Variants in PTPRD observed in about 807,000 individuals in gnomAD.
PTPRD encodes protein tyrosine phosphatase receptor type D, also known as receptor-type tyrosine-protein phosphatase delta.
PTPRD carries 34 observed loss-of-function variants against 214.5 expected under a neutral mutation model. The observed-to-expected ratio is 0.16, with a 90% confidence interval of 0.12 to 0.21. PTPRD has a LOEUF of 0.21. Among genes scored for constraint, PTPRD ranks in the 10% least tolerant of loss-of-function variants. The probability of loss-of-function intolerance (pLI) is 1.00; values close to 1 mark genes in which losing one functional copy is unlikely to be tolerated. For synonymous variants in PTPRD, 1,128 were observed against 845.7 expected, an observed-to-expected ratio of 1.33 and a Z score of -5.79; for missense variants, 2,545 against 2,398.7, an observed-to-expected ratio of 1.06 and a Z score of -1.27.
At position 8,314,878 on chromosome 9, in the gene PTPRD, G is replaced by T. The variant is rs994735607; in HGVS notation, c.*2996C>A. ...AGTACAAAGGTATAGAAAGTGCAAA[G>T]TTCCCTAGAGGCCCTTCCCTCCCCT... On this transcript the variant is annotated 3_prime_UTR_variant, in exon 46 of 46. Coordinates refer to ENST00000381196, the MANE Select transcript of PTPRD (RefSeq NM_002839.4). 4.3e-6 allele frequency: 1 copy of T among 232,374 alleles called. No homozygotes were observed. The highest frequency in any genetic ancestry group is 2.2e-5 in the African/African-American group (1 of 45,240). 14.4% of individuals were successfully genotyped at this position (232,374 alleles called of 1,614,324 possible). A position where few individuals can be genotyped will look rare whatever the true frequency, so the allele number is the denominator to read the frequency against.
chr9:10,230,684 G>GT (rs2099606365), intron 3 of PTPRD, among the ~76,000 whole-genome samples: 1 of 151,920 alleles, frequency 6.6e-6, no homozygotes, highest in African/African-American at 2.4e-5. Flanking sequence ...TTTCATCCAA[G>GT]TTTTTTGCTT....
chr9:10,555,275 C>A (rs1422664026), intron 2 of PTPRD, among the ~76,000 whole-genome samples: 4 of 152,114 alleles, frequency 2.6e-5, no homozygotes, highest in African/African-American at 9.7e-5. Context: ...TGTTGTGGTG[C>A]TTCCAGAAGA....
chr9:9,718,925 C>T (rs546981181), intron 7 of PTPRD, among the ~76,000 whole-genome samples: 46 of 152,116 alleles, frequency 3.0e-4, no homozygotes, highest in Admixed American at 7.8e-4. Context: ...CGGAGGCAGA[C>T]AGGTTCCTAA....
intron 11 of PTPRD, among the ~76,000 whole-genome samples, chr9:8,977,711 A>C (rs965281360): frequency 7.4e-5 from 11 of 149,130 alleles, no homozygotes; most frequent in African/African-American, 2.7e-4. Flanking sequence ...CTTTGTTTAG[A>C]AGAATCCCCT....
intron 2 of PTPRD, among the ~76,000 whole-genome samples, chr9:10,572,841 T>A (rs2067906398): frequency 6.6e-6 from 1 of 152,136 alleles, no homozygotes; most frequent in African/African-American, 2.4e-5. Flanking sequence ...ACAGTGTCCA[T>A]CCACAGAGCT....
chr9:8,463,097 A>T (rs1394478890), intron 32 of PTPRD, among the ~76,000 whole-genome samples: 1 of 151,808 alleles, frequency 6.6e-6, no homozygotes, highest in Non-Finnish European at 1.5e-5. Flanking sequence ...TCTTTAAAAA[A>T]TTTAGTTTAT....
chr9:9,936,395 C>T lies in PTPRD; in HGVS notation c.-368+2112G>A, dbSNP rs559765808. ...ACAAATTTACAAGAAAAAAACAACC[C>T]AATTAAAAAGTGGGCGAAGGACATG... On this transcript the variant is annotated intron_variant, in intron 5 of 45. Coordinates refer to ENST00000381196, the MANE Select transcript of PTPRD (RefSeq NM_002839.4). Among the ~76,000 whole-genome samples the T allele has an allele frequency of 9.7e-4, 147 of 151,762 alleles. 1 individual carries two copies. The highest frequency in any genetic ancestry group is 1.8e-3 in the Admixed American group (28 of 15,238).
chr9:8,520,633 C>A (rs1424871622), intron 20 of PTPRD, among the ~76,000 whole-genome samples: 2 of 152,096 alleles, frequency 1.3e-5, no homozygotes, highest in East Asian at 1.9e-4. Context: ...CCCTTACATG[C>A]TTGTACTCTT....
chr9:9,193,106 T>G (rs540609597), intron 9 of PTPRD, among the ~76,000 whole-genome samples: 1 of 152,254 alleles, frequency 6.6e-6, no homozygotes, highest in South Asian at 2.1e-4. Context: ...ATACAAACGT[T>G]CAGTTAAATG....
intron 8 of PTPRD, among the ~76,000 whole-genome samples, chr9:9,495,534 G>A (rs574532075): frequency 7.9e-4 from 120 of 152,176 alleles, no homozygotes; most frequent in Middle Eastern, 3.4e-3. Flanking sequence ...TCGGTAGAGG[G>A]AGAGACAGCT....
At chr9:8,859,170 C>G (rs955182052) in intron 11 of PTPRD, among the ~76,000 whole-genome samples, 1 of 152,218 alleles carries the variant, frequency 6.6e-6, no homozygotes, top group Non-Finnish European at 1.5e-5. Flanking sequence ...GAACCAAAAT[C>G]TTAGTGTGAT....
chr9:9,471,245 A>C (rs73644726), intron 8 of PTPRD, among the ~76,000 whole-genome samples: 160 of 152,302 alleles, frequency 1.1e-3, no homozygotes, highest in African/African-American at 3.6e-3. Context: ...ACCAACATAT[A>C]CATATATATG....
chr9:8,624,330 T>C (rs1352197478), intron 14 of PTPRD, among the ~76,000 whole-genome samples: 8 of 151,932 alleles, frequency 5.3e-5, no homozygotes, highest in Non-Finnish European at 1.0e-4. Flanking sequence ...TGTTGTATCA[T>C]CCTATTTCCT....
At chr9:9,462,845 C>T (rs745345485) in intron 8 of PTPRD, among the ~76,000 whole-genome samples, 26 of 152,270 alleles carry the variant, frequency 1.7e-4, no homozygotes, top group Non-Finnish European at 1.6e-4. Flanking sequence ...CACTTTATCC[C>T]TCTTCTACCC....
chr9:10,142,539 A>G (rs775324225), intron 3 of PTPRD, among the ~76,000 whole-genome samples: 3,672 of 151,992 alleles, frequency 0.024, 70 homozygotes, highest in Middle Eastern at 0.065. Flanking sequence ...CACCATCACT[A>G]GCCATCAGAG....
At chr9:10,010,780 G>C (rs1279417424) in intron 4 of PTPRD, among the ~76,000 whole-genome samples, 1 of 151,934 alleles carries the variant, frequency 6.6e-6, no homozygotes, top group East Asian at 1.9e-4. Context: ...CCAAAAGAAT[G>C]CTATGAAACT....
At chr9:8,598,620 A>G (rs1388076676) in intron 14 of PTPRD, among the ~76,000 whole-genome samples, 1 of 152,206 alleles carries the variant, frequency 6.6e-6, no homozygotes, top group Non-Finnish European at 1.5e-5. Flanking sequence ...CTATCAGATC[A>G]TGCCTTTTAA....
At chr9:8,785,254 A>T (rs1050230054) in intron 11 of PTPRD, among the ~76,000 whole-genome samples, 1 of 152,192 alleles carries the variant, frequency 6.6e-6, no homozygotes, top group Non-Finnish European at 1.5e-5. Context: ...AAAAAACACT[A>T]ATCAATGAAA....
chr9:8,486,398 C>A (rs1299125766), intron 27 of PTPRD, 49 bp from the exon 28 acceptor site: 1 of 1,463,140 alleles, frequency 6.8e-7, no homozygotes, highest in Non-Finnish European at 9.6e-7. Context: ...TGAACGTTCA[C>A]ATTTCAGTCA....
Sources: allele counts gnomAD v4.1 joint callset (sites outside exome capture counted in the v4.1 genomes callset), GRCh38; gene constraint gnomAD v4.1.1; transcripts MANE v1.5; gene names NCBI Gene and HGNC (gene_info 2026-07-23, HGNC 2026-07-21).